CBLIF: variants seen among roughly 807,000 people sequenced by gnomAD.
The protein encoded by CBLIF is cobalamin binding intrinsic factor.
A neutral mutation model predicts 44.9 loss-of-function variants in CBLIF; 24 were observed. The observed-to-expected ratio is 0.53, with a 90% CI of 0.39 to 0.75. CBLIF has a LOEUF of 0.75. Among genes scored for constraint, CBLIF ranks in the 30% least tolerant of loss-of-function variants. The pLI is 0.00. For missense variants in CBLIF, 481 were observed against 513.0 expected, an observed-to-expected ratio of 0.94 and a Z score of 0.60; for synonymous variants, 183 against 190.9, an observed-to-expected ratio of 0.96 and a Z score of 0.34.
At chr11:59,835,224 C>T in intron 7 of CBLIF, among the ~76,000 whole-genome samples, 1 of 151,590 alleles carries the variant, frequency 6.6e-6, no homozygotes, top group South Asian at 2.1e-4. Context: ...CGGCTCACCG[C>T]AACCTCCGTC....
chr11:59,841,425 T>C, intron 4 of CBLIF, 101 bp from the exon 5 acceptor site: 1 of 848,994 alleles, frequency 1.2e-6, no homozygotes, highest in Non-Finnish European at 2.0e-6. Flanking sequence ...TCCATGATTT[T>C]ATTTGCTCCT....
intron 5 of CBLIF, among the ~76,000 whole-genome samples, chr11:59,838,749 A>G (rs1866485396): frequency 1.3e-5 from 2 of 152,186 alleles, no homozygotes; most frequent in Admixed American, 1.3e-4. Flanking sequence ...CACATCACCA[A>G]TGCCAACACT....
chr11:59,835,472 G>C (rs1314721720), intron 7 of CBLIF, among the ~76,000 whole-genome samples: 3 of 152,070 alleles, frequency 2.0e-5, no homozygotes, highest in Non-Finnish European at 4.4e-5. Context: ...GCCTGTTCTG[G>C]CCATTTCTTT....
At chr11:59,829,657 A>T (rs1286059367) in intron 8 of CBLIF, 112 bp from the exon 9 acceptor site, 4 of 724,618 alleles carry the variant, frequency 5.5e-6, no homozygotes, top group Non-Finnish European at 1.0e-5. Context: ...TTTTTAAAGG[A>T]GTAAAATCAT....
chr11:59,835,093 C>T (rs1866435567), intron 7 of CBLIF, among the ~76,000 whole-genome samples: 1 of 152,128 alleles, frequency 6.6e-6, no homozygotes, highest in East Asian at 1.9e-4. Context: ...TTCATTGGCC[C>T]CAAATTCCTT....
intron 5 of CBLIF, among the ~76,000 whole-genome samples, chr11:59,840,108 ATT>A (rs111658767): frequency 1.4e-5 from 2 of 147,308 alleles, no homozygotes. Context: ...TGAAGTGGAA[ATT>A]TTTTTTTTTT....
rs1216856235 is a variant in CBLIF, at chr11:59,845,176, T to TA, written c.79+198dup. ...CTGCACCTGGCCCCATCTCTCTTAATAAAAAACATATAGACTTGTCTCTCA... is the reference window on the plus strand; with the variant it reads ...CTGCACCTGGCCCCATCTCTCTTAATAAAAAAACATATAGACTTGTCTCTCA... On this transcript the variant is annotated intron_variant, in intron 1 of 8. Coordinates refer to ENST00000257248, the MANE Select transcript of CBLIF (RefSeq NM_005142.3). 12 of 688,570 alleles carry TA rather than the reference T, an allele frequency of 1.7e-5. No individual in the cohort carries two copies. In the East Asian group the frequency reaches 4.0e-4, roughly 23 times the overall value. 42.7% of individuals were successfully genotyped at this position (688,570 alleles called of 1,614,324 possible). A position where few individuals can be genotyped will look rare whatever the true frequency, so the allele number is the denominator to read the frequency against.
intron 5 of CBLIF, among the ~76,000 whole-genome samples, chr11:59,838,356 CGTGATGT>C (rs773105224): frequency 5.9e-5 from 9 of 152,090 alleles, no homozygotes; most frequent in Non-Finnish European, 1.2e-4. Context: ...AAAAGCATTT[CGTGATGT>C]GTGATGTGTG....
intron 6 of CBLIF, among the ~76,000 whole-genome samples, chr11:59,836,673 A>T (rs146481782): frequency 6.6e-6 from 1 of 152,166 alleles, no homozygotes; most frequent in African/African-American, 2.4e-5. Flanking sequence ...AAGCCTCCCA[A>T]ACAAAATCAA....
intron 1 of CBLIF, 112 bp from the exon 2 acceptor site, chr11:59,844,167 T>C: frequency 1.1e-6 from 1 of 879,482 alleles, no homozygotes; most frequent in African/African-American, 1.6e-5. Context: ...GAGACAGTGT[T>C]ACTCTTGTTG....
intron 7 of CBLIF, among the ~76,000 whole-genome samples, chr11:59,835,248 C>T (rs768733599): frequency 3.3e-5 from 5 of 151,622 alleles, no homozygotes; most frequent in East Asian, 1.9e-4. Context: ...CAGGTTCAAG[C>T]GATTCTCCTG....
Position 59,831,716 on chromosome 11 carries a change from T to C in CBLIF, c.1154A>G (p.Tyr385Cys), listed in dbSNP as rs1185728487. The C allele has an allele frequency of 6.3e-7, 1 of 1,594,746 alleles. No individual in the cohort carries two copies. Among genetic ancestry groups the C allele is most frequent in the East Asian group, 2.2e-5 (1 of 44,754 alleles). ...NIAENVNHKT[Y>C]WQFLSGVTPL... ...TGTTACACCACTAAGAAACTGCCAG[T>C]ATGTCTTGTGATTAACATTTTCCGC... The change falls in exon 8 of 9, where the codon TAC becomes TGC. Residue 385 changes from tyrosine to cysteine, a missense_variant. Transcript: ENST00000257248.
rs759810252 is a variant in CBLIF at position 59,842,598 on chromosome 11, G to A, written c.371-15C>T. ...AGCGTTGGGGCCTCCGAAGGGGATA[G>A]AGAACCTTCATCAGACTCACAGTCA... On this transcript the variant is annotated splice_polypyrimidine_tract_variant and intron_variant, in intron 3 of 8. Coordinates refer to ENST00000257248, the MANE Select transcript of CBLIF (RefSeq NM_005142.3). 5.0e-5 allele frequency: 81 copies of A among 1,612,544 alleles called. No individual in the cohort carries two copies. The highest frequency in any genetic ancestry group is 6.4e-5 in the Non-Finnish European group (75 of 1,178,732).
intron 6 of CBLIF, among the ~76,000 whole-genome samples, chr11:59,836,630 G>A (rs1163373832): frequency 6.6e-6 from 1 of 152,118 alleles, no homozygotes. Flanking sequence ...GATCGTTAAG[G>A]CTCGATTTAA....
chr11:59,839,836 A>G (rs1866500927), intron 5 of CBLIF, among the ~76,000 whole-genome samples: 1 of 152,184 alleles, frequency 6.6e-6, no homozygotes, highest in South Asian at 2.1e-4. Flanking sequence ...TAGCAAAAGT[A>G]AACACTTCAC....
intron 1 of CBLIF, chr11:59,845,153 G>T: frequency 1.8e-6 from 1 of 568,694 alleles, no homozygotes; most frequent in Non-Finnish European, 3.2e-6. Context: ...GTGAGCCACT[G>T]CACCTGGCCC....
intron 1 of CBLIF, among the ~76,000 whole-genome samples, chr11:59,844,330 G>T (rs757808228): frequency 2.6e-5 from 4 of 152,020 alleles, no homozygotes; most frequent in Non-Finnish European, 4.4e-5. Context: ...TAGAGATGGG[G>T]TTTCACCATG....
rs180950604 is a variant in CBLIF at position 59,843,132 on chromosome 11, A to G, written c.266T>C (p.Ile89Thr). 34 of 1,605,852 alleles carry G rather than the reference A, an allele frequency of 2.1e-5. No homozygotes were observed. The highest frequency in any genetic ancestry group is 1.2e-4 in the Admixed American group (7 of 60,006). Residue 89 changes from isoleucine to threonine, a missense_variant, in exon 3 of 9, where the codon ATT becomes ACT. Coordinates refer to ENST00000257248, the MANE Select transcript of CBLIF (RefSeq NM_005142.3). ...CATGATGGTGAGGCCGAGCTGCCCAATGGTTAGATCTGCAGAGAAGAGAAC... is the reference window on the plus strand; with the variant it reads ...CATGATGGTGAGGCCGAGCTGCCCAGTGGTTAGATCTGCAGAGAAGAGAAC... The part of the protein sequence containing the change: ...LMSSDNNDLT[I>T]GQLGLTIMAL...
At position 59,842,563 on chromosome 11, in the gene CBLIF, C is replaced by T; in HGVS notation, c.391G>A (p.Ala131Thr). ...ATCGCTAGACTGGGCCCATAGAAGGCTGATGCTTCAGCGTTGGGGCCTCCG... is the reference window on the plus strand; with the variant it reads ...ATCGCTAGACTGGGCCCATAGAAGGTTGATGCTTCAGCGTTGGGGCCTCCG... ...APSSPNAEASAFYGPSLAILA... is the reference protein window; with the variant it reads ...APSSPNAEASTFYGPSLAILA... Residue 131 changes from alanine (A) to threonine (T), a missense_variant, in exon 4 of 9, where the codon GCC becomes ACC. By Grantham distance (58) the Ala-to-Thr change is moderately conservative. Transcript: ENST00000257248. 1 of 1,614,070 alleles carries T rather than the reference C, an allele frequency of 6.2e-7. No homozygotes were observed. The highest frequency in any genetic ancestry group is 1.1e-5 in the South Asian group (1 of 91,078).
Sources: gnomAD v4.1 joint callset for allele counts (sites outside exome capture counted in the v4.1 genomes callset) on GRCh38, gnomAD v4.1.1 for gene constraint, MANE v1.5 for transcripts, NCBI Gene and HGNC (gene_info 2026-07-23, HGNC 2026-07-21) for gene names.